Variants in EYS observed in about 807,000 individuals in gnomAD.
The protein encoded by EYS is EGF-like photoreceptor maintenance factor.
EYS carries 250 observed loss-of-function variants against 282.1 expected under a neutral mutation model. That is an observed-to-expected ratio of 0.89 (90% confidence interval 0.80 to 0.98). The LOEUF (loss-of-function observed/expected upper bound fraction) is 0.98, where lower values mean the gene tolerates loss of function less well. Ranked by LOEUF, EYS falls within the 50% of genes least tolerant of loss-of-function variation. The probability of loss-of-function intolerance (pLI) is 0.00; values close to 1 mark genes in which losing one functional copy is unlikely to be tolerated. For synonymous variants in EYS, 1,355 were observed against 1,282.9 expected, an observed-to-expected ratio of 1.06 and a Z score of -1.20; for missense variants, 4,016 against 3,709.0, an observed-to-expected ratio of 1.08 and a Z score of -2.15.
chr6:64,682,817 T>TAA (rs1769947199), intron 22 of EYS, among the ~76,000 whole-genome samples: 1 of 152,166 alleles, frequency 6.6e-6, no homozygotes, highest in Admixed American at 6.5e-5. Context: ...TAAATAAACT[T>TAA]CCGCTCCTGC....
chr6:65,131,581 G>A (rs1170518295), intron 12 of EYS, among the ~76,000 whole-genome samples: 1 of 151,788 alleles, frequency 6.6e-6, no homozygotes, highest in Non-Finnish European at 1.5e-5. Flanking sequence ...TAGCTACAAG[G>A]TAGTGAGGGA....
At chr6:64,350,336 A>T (rs1439296932) in intron 29 of EYS, among the ~76,000 whole-genome samples, 1 of 151,382 alleles carries the variant, frequency 6.6e-6, no homozygotes, top group Non-Finnish European at 1.5e-5. Flanking sequence ...CCTTGCTTAA[A>T]AAAAGTTTAT....
chr6:64,079,408 T>C (rs1771883734), intron 32 of EYS, among the ~76,000 whole-genome samples: 1 of 152,106 alleles, frequency 6.6e-6, no homozygotes, highest in African/African-American at 2.4e-5. Flanking sequence ...TAAATGCTTC[T>C]TTTAGGCATT....
intron 35 of EYS, among the ~76,000 whole-genome samples, chr6:63,961,271 G>A (rs1185295530): frequency 2.6e-5 from 4 of 152,156 alleles, no homozygotes; most frequent in African/African-American, 9.6e-5. Flanking sequence ...CCTGAAGCAA[G>A]TGAAGAATCA....
intron 1 of EYS, among the ~76,000 whole-genome samples, chr6:65,685,978 T>C (rs549080244): frequency 2.6e-5 from 4 of 152,120 alleles, no homozygotes; most frequent in African/African-American, 9.6e-5. Context: ...CTGAAAAACT[T>C]ATTCCCCCAT....
In EYS at chr6:65,410,028, A is replaced by C. The variant is rs1766917548; in HGVS notation, c.863-4661T>G. On this transcript the variant is annotated intron_variant, in intron 5 of 42. Transcript: ENST00000503581. The stretch of plus-strand genomic sequence containing the variant: ...GTATTTCTCCATGTTATGATACATT[A>C]ACATAATGTTTTCCTTTTAAATAAT... Among the ~76,000 whole-genome samples, 3 of 152,078 alleles carry C rather than the reference A, an allele frequency of 2.0e-5. No homozygotes were observed. The South Asian group carries it at 6.2e-4, about 31-fold the overall frequency.
In EYS at chr6:64,100,478, G is replaced by T. The variant is rs1434872363; in HGVS notation, c.6425-18476C>A. Among the ~76,000 whole-genome samples, 13 of 151,766 alleles carry T rather than the reference G, an allele frequency of 8.6e-5. No homozygotes were observed. The South Asian group carries it at 2.5e-3, about 29-fold the overall frequency. On this transcript the variant is annotated intron_variant, in intron 31 of 42. Coordinates refer to ENST00000503581, the MANE Select transcript of EYS (RefSeq NM_001142800.2). ...TGAATCTCACAGCCAAAATCCTTTG[G>T]AGTATAATGCTGCTGTTTATTTTTT...
chr6:65,242,723 T>C (rs1767086089), intron 12 of EYS, among the ~76,000 whole-genome samples: 1 of 152,280 alleles, frequency 6.6e-6, no homozygotes, highest in Non-Finnish European at 1.5e-5. Flanking sequence ...TGGATGATTT[T>C]ACATTTTCAC....
chr6:64,152,487 C>A (rs573924815), intron 31 of EYS, among the ~76,000 whole-genome samples: 1 of 152,246 alleles, frequency 6.6e-6, no homozygotes, highest in East Asian at 1.9e-4. Context: ...TACCTTGCTG[C>A]TTCTATAATT....
At chr6:65,663,807 A>C (rs535793746) in intron 1 of EYS, among the ~76,000 whole-genome samples, 15 of 148,156 alleles carry the variant, frequency 1.0e-4, no homozygotes, top group African/African-American at 3.8e-4. Flanking sequence ...CAGCCTCCCT[A>C]GTAGCTGGGA....
At chr6:65,579,477 G>T (rs1764795659) in intron 2 of EYS, among the ~76,000 whole-genome samples, 1 of 152,110 alleles carries the variant, frequency 6.6e-6, no homozygotes. Flanking sequence ...ATCATAGACT[G>T]GGTGGTTTAA....
chr6:64,454,685 T>G (rs1775498619), intron 26 of EYS, among the ~76,000 whole-genome samples: 1 of 152,114 alleles, frequency 6.6e-6, no homozygotes, highest in Non-Finnish European at 1.5e-5. Flanking sequence ...TATGTGGGGG[T>G]TCTACTGGAT....
Position 65,194,497 on chromosome 6 carries a change from T to C in EYS, c.2023+101366A>G, listed in dbSNP as rs1765717641. Among the ~76,000 whole-genome samples the C allele has an allele frequency of 2.0e-5, 3 of 152,036 alleles. No individual in the cohort carries two copies. In the South Asian group the frequency reaches 6.2e-4, roughly 31 times the overall value. Reference sequence around the variant, plus strand: ...AATTCCAGCAACTAACTTATACTTTTTTGCCTAGCCATTCCACCCCTTGTG... The same window carrying C: ...AATTCCAGCAACTAACTTATACTTTCTTGCCTAGCCATTCCACCCCTTGTG... On this transcript the variant is annotated intron_variant, in intron 12 of 42. Transcript: ENST00000503581.
At chr6:63,723,491 T>C (rs1287305982) in intron 42 of EYS, among the ~76,000 whole-genome samples, 1 of 152,106 alleles carries the variant, frequency 6.6e-6, no homozygotes, top group East Asian at 1.9e-4. Context: ...TAGTAAACAA[T>C]TTTATAGTGA....
chr6:64,556,808 A>T (rs1765247237), intron 26 of EYS, among the ~76,000 whole-genome samples: 1 of 151,952 alleles, frequency 6.6e-6, no homozygotes, highest in Non-Finnish European at 1.5e-5. Context: ...AGATCTTCAT[A>T]TTGGCCTGTT....
intron 13 of EYS, among the ~76,000 whole-genome samples, chr6:65,020,196 C>T (rs756718180): frequency 5.3e-5 from 8 of 152,144 alleles, no homozygotes; most frequent in Non-Finnish European, 8.8e-5. Flanking sequence ...AACATCTTAA[C>T]TCATTCCAGC....
chr6:64,412,504 G>A (rs1003050548), intron 28 of EYS: 1 of 152,108 alleles, frequency 6.6e-6, no homozygotes, highest in African/African-American at 2.4e-5. Context: ...GGATGCATAA[G>A]TATAGAAGAA....
intron 12 of EYS, among the ~76,000 whole-genome samples, chr6:65,130,401 T>C (rs1301881634): frequency 2.0e-5 from 3 of 151,952 alleles, no homozygotes; most frequent in Non-Finnish European, 2.9e-5. Flanking sequence ...TTAATAACAA[T>C]GGGAAAATAG....
In EYS at chr6:64,040,768, T is replaced by C. The variant is rs1562169407; in HGVS notation, c.6725+25570A>G. ...GTTGAGTAGTTCAACATAGATTGTA[T>C]GGCCTGCAAAGGCTAAAATATTCAT... On this transcript the variant is annotated intron_variant, in intron 33 of 42. Coordinates refer to ENST00000503581, the MANE Select transcript of EYS (RefSeq NM_001142800.2). Among the ~76,000 whole-genome samples, 4 of 152,336 alleles carry C rather than the reference T, an allele frequency of 2.6e-5. 1 individual carries two copies. The South Asian group carries it at 6.2e-4, about 24-fold the overall frequency.
Sources: gnomAD v4.1 joint callset for allele counts (sites outside exome capture counted in the v4.1 genomes callset) on GRCh38, gnomAD v4.1.1 for gene constraint, MANE v1.5 for transcripts, NCBI Gene and HGNC (gene_info 2026-07-23, HGNC 2026-07-21) for gene names.